The following RNF4 variants were observed in gnomAD, a reference collection of about 807,000 sequenced individuals.
RNF4 encodes ring finger protein 4, also known as E3 ubiquitin-protein ligase RNF4.
RNF4 carries 7 observed loss-of-function variants against 24.3 expected under a neutral mutation model. That is an observed-to-expected ratio of 0.29 (90% CI 0.16 to 0.54). The LOEUF (loss-of-function observed/expected upper bound fraction) is 0.54. Ranked by LOEUF, RNF4 falls within the 20% of genes least tolerant of loss-of-function variation. The pLI, the probability that RNF4 is intolerant of heterozygous loss-of-function variation, is 0.95. For synonymous variants in RNF4, 83 were observed against 84.3 expected, an observed-to-expected ratio of 0.98 and a Z score of 0.09; for missense variants, 209 against 248.5, an observed-to-expected ratio of 0.84 and a Z score of 1.07.
intron 4 of RNF4, chr4:2,505,450 A>G (rs182920088): frequency 1.3e-5 from 2 of 150,720 alleles, no homozygotes; most frequent in African/African-American, 2.4e-5. Context: ...CTCAGCCTCC[A>G]GAGTAGCTGG....
At chr4:2,484,405 C>T (rs1735346434) in intron 1 of RNF4, among the ~76,000 whole-genome samples, 1 of 152,056 alleles carries the variant, frequency 6.6e-6, no homozygotes, top group South Asian at 2.1e-4. Context: ...TCCTGCCCGC[C>T]TGTATGTCTC....
At chr4:2,487,856 T>G (rs996200308) in intron 1 of RNF4, among the ~76,000 whole-genome samples, 1 of 152,190 alleles carries the variant, frequency 6.6e-6, no homozygotes, top group Non-Finnish European at 1.5e-5. Context: ...AGCTAGAGAA[T>G]GAGGCGCTCA....
chr4:2,496,355 G>A, intron 2 of RNF4, among the ~76,000 whole-genome samples: 1 of 152,190 alleles, frequency 6.6e-6, no homozygotes, highest in East Asian at 1.9e-4. Context: ...ATAACTTTTG[G>A]TTAAAGGGAA....
chr4:2,491,336 A>G (rs1735573527), intron 2 of RNF4, among the ~76,000 whole-genome samples: 1 of 152,150 alleles, frequency 6.6e-6, no homozygotes, highest in Non-Finnish European at 1.5e-5. Context: ...TTCTGGGTTC[A>G]AGTGATTCTT....
Position 2,513,142 on chromosome 4 carries a change from C to T in RNF4, c.423+11C>T. The T allele has an allele frequency of 1.2e-6, 2 of 1,612,012 alleles. No individual in the cohort carries two copies. Among genetic ancestry groups the T allele is most frequent in the Non-Finnish European group, 1.7e-6 (2 of 1,178,156 alleles). ...GACGGATACTCAGAGGTAAGTAAAC[C>T]AAGCTGTATCTTCCAGGCTTCTGGT... is the stretch of plus-strand genomic sequence containing the variant. On this transcript the variant is annotated intron_variant, in intron 7 of 7. Coordinates refer to ENST00000314289, the MANE Select transcript of RNF4 (RefSeq NM_002938.5).
At chr4:2,487,942 A>T (rs1735459956) in intron 1 of RNF4, among the ~76,000 whole-genome samples, 1 of 152,114 alleles carries the variant, frequency 6.6e-6, no homozygotes, top group Non-Finnish European at 1.5e-5. Flanking sequence ...CTCAGCTGGG[A>T]CGGCGGTCCC....
At chr4:2,503,234 C>T (rs1735970669) in intron 4 of RNF4, among the ~76,000 whole-genome samples, 1 of 152,178 alleles carries the variant, frequency 6.6e-6, no homozygotes, top group South Asian at 2.1e-4. Context: ...CTCTGAACTT[C>T]CCTACCTTTC....
chr4:2,514,088 G>A lies in RNF4; in HGVS notation c.*269G>A, dbSNP rs762832645. 2.1e-5 allele frequency: 9 copies of A among 428,210 alleles called. No individual in the cohort carries two copies. Among genetic ancestry groups the A allele is most frequent in the Middle Eastern group, 6.6e-4 (1 of 1,520 alleles). 26.5% of individuals were successfully genotyped at this position (428,210 alleles called of 1,614,324 possible). A position where few individuals can be genotyped will look rare whatever the true frequency, so the allele number is the denominator to read the frequency against. On this transcript the variant is annotated 3_prime_UTR_variant, in exon 8 of 8. Transcript: ENST00000314289. Reference sequence around the variant, plus strand: ...AAGGGAGTCAGGCGCATTGGGAATCGTGGTTCCAGTCTGGTTGCAGAATCT... The same window carrying A: ...AAGGGAGTCAGGCGCATTGGGAATCATGGTTCCAGTCTGGTTGCAGAATCT...
chr4:2,483,092 TTAC>T (rs1403903641), intron 1 of RNF4, among the ~76,000 whole-genome samples: 1 of 152,236 alleles, frequency 6.6e-6, no homozygotes, highest in African/African-American at 2.4e-5. Flanking sequence ...TACCTATTTA[TTAC>T]TTGATTTGTT....
In RNF4 at chr4:2,515,459, C is replaced by T. The variant is rs984491855; in HGVS notation, c.*1640C>T. 1.6e-4 allele frequency: 25 copies of T among 152,544 alleles called. No homozygotes were observed. Among genetic ancestry groups the T allele is most frequent in the African/African-American group, 6.0e-4 (25 of 41,588 alleles). The allele number at this position is 152,544 out of a possible 1,614,324, so 9.4% of individuals were successfully genotyped here. ...GTAGCATGTCTGCCCTCTGACTGGA[C>T]ATCATTGCCATTAACTTTCTTCTGG... On this transcript the variant is annotated 3_prime_UTR_variant, in exon 8 of 8. Transcript: ENST00000314289.
In RNF4 at chr4:2,512,983, G is replaced by A; in HGVS notation, c.375-100G>A. ...GCGCTAAGGCAGAGTCAGGAGGCCA[G>A]GGACGGGACTCTTGTAGGGGATAGG... On this transcript the variant is annotated intron_variant, in intron 6 of 7. Coordinates refer to ENST00000314289, the MANE Select transcript of RNF4 (RefSeq NM_002938.5). The surrounding 1 kb of genome is among the most constrained non-coding windows in gnomAD (Gnocchi z 4.1). 1 of 1,175,634 alleles carries A rather than the reference G, an allele frequency of 8.5e-7. No homozygotes were observed. The highest frequency in any genetic ancestry group is 1.3e-6 in the Non-Finnish European group (1 of 787,478). The allele number at this position is 1,175,634 out of a possible 1,614,324, so 72.8% of individuals were successfully genotyped here.
At chr4:2,506,095 G>A (rs1033224848) in intron 4 of RNF4, 1 of 152,120 alleles carries the variant, frequency 6.6e-6, no homozygotes, top group African/African-American at 2.4e-5. Context: ...TAACCCTTGA[G>A]GCCATCAGAT....
At chr4:2,481,978 G>A (rs1408882538) in intron 1 of RNF4, among the ~76,000 whole-genome samples, 3 of 152,224 alleles carry the variant, frequency 2.0e-5, no homozygotes, top group Non-Finnish European at 2.9e-5. Flanking sequence ...GAGAGTTGAA[G>A]AGGGCCTAGA....
At position 2,512,899 on chromosome 4, in the gene RNF4, G is replaced by A. The variant is rs1314234168; in HGVS notation, c.375-184G>A. Among the ~76,000 whole-genome samples, 2 of 152,282 alleles carry A rather than the reference G, an allele frequency of 1.3e-5. No homozygotes were observed. The highest frequency in any genetic ancestry group is 2.1e-4 in the South Asian group (1 of 4,822). ...ACTCAGGTTGTGTGCACCTTCTCAT[G>A]TTCACCCTCCCACATGCCCTTGGGG... On this transcript the variant is annotated intron_variant, in intron 6 of 7. Transcript: ENST00000314289. This position sits in a 1 kb window ranked among gnomAD's most constrained non-coding sequence, Gnocchi z 4.1.
At chr4:2,484,585 G>T (rs1338941144) in intron 1 of RNF4, among the ~76,000 whole-genome samples, 2 of 151,248 alleles carry the variant, frequency 1.3e-5, no homozygotes, top group Non-Finnish European at 2.9e-5. Context: ...TATATACCAT[G>T]AATACACATA....
chr4:2,469,170 G>T lies in RNF4; in HGVS notation c.-246G>T, dbSNP rs1289463446. The T allele has an allele frequency of 6.6e-6, 1 of 152,276 alleles. No individual in the cohort carries two copies. Among genetic ancestry groups the T allele is most frequent in the Non-Finnish European group, 1.5e-5 (1 of 68,066 alleles). The allele number at this position is 152,276 out of a possible 1,614,324, so 9.4% of individuals were successfully genotyped here. A position where few individuals can be genotyped will look rare whatever the true frequency, so the allele number is the denominator to read the frequency against. On this transcript the variant is annotated 5_prime_UTR_variant, in exon 1 of 8. Transcript: ENST00000314289. Reference sequence around the variant, plus strand: ...CGAGGAGCTCTCCTGGGCGGCTGAAGAAGGAGCTTCTTCTCCGGAGTGCGC... The same window carrying T: ...CGAGGAGCTCTCCTGGGCGGCTGAATAAGGAGCTTCTTCTCCGGAGTGCGC...
At chr4:2,504,483 C>T (rs1247916742) in intron 4 of RNF4, among the ~76,000 whole-genome samples, 2 of 151,676 alleles carry the variant, frequency 1.3e-5, no homozygotes, top group Non-Finnish European at 2.9e-5. Context: ...TTATTTTTCT[C>T]TTTTGTGAAG....
intron 1 of RNF4, among the ~76,000 whole-genome samples, chr4:2,489,500 G>GT (rs1735516556): frequency 6.6e-6 from 1 of 152,192 alleles, no homozygotes; most frequent in African/African-American, 2.4e-5. Flanking sequence ...CTGGGAACTT[G>GT]TTAGATACGT....
At chr4:2,509,845 C>G (rs946892473) in intron 4 of RNF4, among the ~76,000 whole-genome samples, 5 of 152,144 alleles carry the variant, frequency 3.3e-5, no homozygotes, top group African/African-American at 1.2e-4. Flanking sequence ...GTCATCTTGG[C>G]AGAGGGTGGG....
Sources: gnomAD v4.1 joint callset for allele counts (sites outside exome capture counted in the v4.1 genomes callset) on GRCh38, gnomAD v4.1.1 for gene constraint, Gnocchi (gnomAD v3.1) non-coding constraint, MANE v1.5 for transcripts, NCBI Gene and HGNC (gene_info 2026-07-23, HGNC 2026-07-21) for gene names.